The following LAMA2 variants were observed in gnomAD, a reference collection of about 807,000 sequenced individuals.
The protein encoded by LAMA2 is laminin subunit alpha-2.
In LAMA2, 269 loss-of-function variants were observed where a neutral mutation model predicts 364.8. The ratio of observed to expected loss-of-function variants is 0.74; its 90% confidence interval spans 0.67 to 0.82. LAMA2 has a LOEUF of 0.82. LAMA2 is among the 40% of genes least tolerant of loss of function. The probability of loss-of-function intolerance (pLI) is 0.00; values close to 1 mark genes in which losing one functional copy is unlikely to be tolerated. For missense variants in LAMA2, 3,807 were observed against 3,873.2 expected, an observed-to-expected ratio of 0.98 and a Z score of 0.45; for synonymous variants, 1,379 against 1,370.6, an observed-to-expected ratio of 1.01 and a Z score of -0.14.
intron 43 of LAMA2, 131 bp downstream of exon 43, chr6:129,441,129 G>T: frequency 1.2e-6 from 1 of 822,336 alleles, no homozygotes; most frequent in Non-Finnish European, 2.0e-6. Flanking sequence ...TTCATAGATT[G>T]GCCTCAGAAA....
chr6:129,302,584 A>G (rs533409637), intron 22 of LAMA2, among the ~76,000 whole-genome samples: 1 of 152,232 alleles, frequency 6.6e-6, no homozygotes, highest in Admixed American at 6.5e-5. Context: ...GTTTTCTTCA[A>G]GAAGTTTTAG....
chr6:129,239,507 A>ATTT (rs1785249221), intron 12 of LAMA2, among the ~76,000 whole-genome samples: 3 of 152,202 alleles, frequency 2.0e-5, no homozygotes, highest in African/African-American at 7.2e-5. Flanking sequence ...CACTGTTAAT[A>ATTT]AACTGGCATG....
rs776851018 is a variant in LAMA2 at position 129,507,604 on chromosome 6, G to A, written c.8819G>A (p.Arg2940Lys). 1.9e-6 allele frequency: 3 copies of A among 1,614,184 alleles called. No homozygotes were observed. The South Asian group carries it at 3.3e-5, about 18-fold the overall frequency. ...HVGTCFANAQRGTYFDGTGFA... is the reference protein window; with the variant it reads ...HVGTCFANAQKGTYFDGTGFA... ...GGGACATGTTTTGCAAATGCTCAGA[G>A]GGGAACATATTTTGACGGAACCGGT... is the stretch of plus-strand genomic sequence containing the variant. The change falls in exon 62 of 65, where the codon AGG (arginine) becomes AAG (lysine). Residue 2940 changes from arginine (R) to lysine (K), a missense_variant. This residue lies in a region of LAMA2 where 3,333 missense variants were observed against 3,345.7 expected (regional missense o/e 1.00). Transcript: ENST00000421865.
intron 48 of LAMA2, among the ~76,000 whole-genome samples, chr6:129,459,695 C>T (rs1014202588): frequency 1.3e-5 from 2 of 152,042 alleles, no homozygotes; most frequent in Non-Finnish European, 2.9e-5. Context: ...AGCATGTCCC[C>T]TTTCTTCTGA....
At chr6:129,121,731 C>T (rs745883039) in intron 4 of LAMA2, among the ~76,000 whole-genome samples, 11 of 151,902 alleles carry the variant, frequency 7.2e-5, no homozygotes, top group Non-Finnish European at 1.5e-4. Context: ...TTTATAGCCT[C>T]GAGAAACTAG....
chr6:128,941,695 G>A (rs1780170880), intron 1 of LAMA2, among the ~76,000 whole-genome samples: 1 of 152,138 alleles, frequency 6.6e-6, no homozygotes, highest in African/African-American at 2.4e-5. Context: ...AATGGAGATG[G>A]TAAATATATA....
intron 4 of LAMA2, among the ~76,000 whole-genome samples, chr6:129,125,127 G>A (rs1366099117): frequency 6.6e-6 from 1 of 152,238 alleles, no homozygotes; most frequent in Non-Finnish European, 1.5e-5. Context: ...GTGAGAATGA[G>A]ATGGCTGAGG....
chr6:128,972,942 T>A (rs994036180), intron 1 of LAMA2, among the ~76,000 whole-genome samples: 1 of 152,170 alleles, frequency 6.6e-6, no homozygotes, highest in Admixed American at 6.5e-5. Flanking sequence ...GTACTTTGAT[T>A]TGGTTTAAAT....
At chr6:129,011,858 T>C (rs1480671601) in intron 1 of LAMA2, among the ~76,000 whole-genome samples, 2 of 152,256 alleles carry the variant, frequency 1.3e-5, no homozygotes, top group African/African-American at 4.8e-5. Context: ...GAATTGTAAA[T>C]GTCCTAAGCC....
chr6:129,480,551 GA>G (rs1784295928), intron 54 of LAMA2, among the ~76,000 whole-genome samples: 1 of 152,102 alleles, frequency 6.6e-6, no homozygotes, highest in Non-Finnish European at 1.5e-5. Context: ...GGTTGTGAAA[GA>G]GTGAATGAAT....
chr6:129,233,066 A>G (rs532196416), intron 12 of LAMA2, among the ~76,000 whole-genome samples: 2 of 152,212 alleles, frequency 1.3e-5, no homozygotes, highest in African/African-American at 4.8e-5. Context: ...AAGGAGATAG[A>G]TTCTCCTCTA....
intron 32 of LAMA2, among the ~76,000 whole-genome samples, chr6:129,362,100 T>C (rs1001484772): frequency 6.6e-6 from 1 of 152,040 alleles, no homozygotes; most frequent in Non-Finnish European, 1.5e-5. Flanking sequence ...TAACCATTTT[T>C]AATTGTCCCC....
intron 1 of LAMA2, among the ~76,000 whole-genome samples, chr6:128,890,152 C>T (rs1311607675): frequency 6.6e-6 from 1 of 152,142 alleles, no homozygotes; most frequent in Non-Finnish European, 1.5e-5. Context: ...TTAGCTGCGT[C>T]TTGAGTGCCA....
Position 129,228,980 on chromosome 6 carries a change from T to C in LAMA2, c.1783-21132T>C, listed in dbSNP as rs61631334. Among the ~76,000 whole-genome samples the C allele has an allele frequency of 9.7e-3, 1,481 of 152,318 alleles. 26 individuals are homozygous for C. The highest frequency in any genetic ancestry group is 0.034 in the African/African-American group (1,424 of 41,552). ...TGTGTGTATGTATTGAATTTGTGTA[T>C]TCATTGTATGTATTCAATATTCAAT... On this transcript the variant is annotated intron_variant, in intron 12 of 64. Transcript: ENST00000421865.
rs865889176 is a variant in LAMA2 at position 129,170,785 on chromosome 6, C to T, written c.1306+5110C>T. On this transcript the variant is annotated intron_variant, in intron 9 of 64. Transcript: ENST00000421865. ...TGTTGACAGTGGGGTGTTAAAGTCT[C>T]CCATTATTAATGTGTGGGAGTCTAA... Among the ~76,000 whole-genome samples, 1,112 of 151,048 alleles carry T rather than the reference C, an allele frequency of 7.4e-3. 10 individuals carry two copies. Among genetic ancestry groups the T allele is most frequent in the Non-Finnish European group, 9.4e-3 (634 of 67,764 alleles).
At chr6:129,044,269 A>C (rs2114761033) in intron 1 of LAMA2, among the ~76,000 whole-genome samples, 1 of 152,224 alleles carries the variant, frequency 6.6e-6, no homozygotes, top group Admixed American at 6.5e-5. Flanking sequence ...CTCCAATAAA[A>C]GCTACTTCAC....
chr6:129,404,282 A>G (rs1780133377), intron 40 of LAMA2, among the ~76,000 whole-genome samples: 1 of 112,750 alleles, frequency 8.9e-6, no homozygotes, highest in South Asian at 3.0e-4. Flanking sequence ...AAATGGCATT[A>G]GTAAAAAAGA....
chr6:129,252,405 A>G (rs986826279), intron 14 of LAMA2, 110 bp downstream of exon 14: 1 of 761,854 alleles, frequency 1.3e-6, no homozygotes, highest in Non-Finnish European at 2.3e-6. Context: ...GCTGTCTTCA[A>G]AGAGCAGATA....
intron 58 of LAMA2, among the ~76,000 whole-genome samples, chr6:129,493,451 GA>G (rs908839724): frequency 3.3e-5 from 5 of 152,146 alleles, no homozygotes; most frequent in Admixed American, 2.6e-4. Flanking sequence ...TTTGAGATCA[GA>G]AAAGATCGGA....
Sources: allele counts gnomAD v4.1 joint callset (sites outside exome capture counted in the v4.1 genomes callset), GRCh38; gene constraint gnomAD v4.1.1; regional missense constraint gnomAD v4.1.1; transcripts MANE v1.5; gene names NCBI Gene and HGNC (gene_info 2026-07-23, HGNC 2026-07-21).